NALF1: variants seen among roughly 807,000 people sequenced by gnomAD.
NALF1 encodes the protein NALCN channel auxiliary factor 1.
A neutral mutation model predicts 48.4 loss-of-function variants in NALF1; 3 were observed. The ratio of observed to expected loss-of-function variants is 0.06; its 90% CI spans 0.03 to 0.16. The LOEUF is 0.16. Ranked by LOEUF, NALF1 falls within the 10% of genes least tolerant of loss-of-function variation. The pLI is 1.00. For missense variants in NALF1, 526 were observed against 571.5 expected, an observed-to-expected ratio of 0.92 and a Z score of 0.81; for synonymous variants, 262 against 245.7, an observed-to-expected ratio of 1.07 and a Z score of -0.62.
At chr13:107,614,779 TTTC>T (rs1234735912) in intron 1 of NALF1, among the ~76,000 whole-genome samples, 1 of 151,064 alleles carries the variant, frequency 6.6e-6, no homozygotes, top group African/African-American at 2.4e-5. Flanking sequence ...TTTTTTTTTC[TTTC>T]TTTTCTTTTT....
chr13:107,454,727 T>C (rs1216624373), intron 1 of NALF1, among the ~76,000 whole-genome samples: 2 of 152,224 alleles, frequency 1.3e-5, no homozygotes, highest in Admixed American at 1.3e-4. Flanking sequence ...CTAGAAATAC[T>C]GAGCCTGTGT....
intron 1 of NALF1, among the ~76,000 whole-genome samples, chr13:107,551,279 C>G (rs1877285407): frequency 6.6e-6 from 1 of 152,086 alleles, no homozygotes; most frequent in African/African-American, 2.4e-5. Flanking sequence ...GCATTTATGT[C>G]TTATATTTAT....
At chr13:107,607,836 G>C (rs559882148) in intron 1 of NALF1, among the ~76,000 whole-genome samples, 2 of 152,098 alleles carry the variant, frequency 1.3e-5, no homozygotes, top group Non-Finnish European at 2.9e-5. Context: ...GAATTTGATG[G>C]GCAGCATTTG....
intron 1 of NALF1, among the ~76,000 whole-genome samples, chr13:107,332,941 G>A (rs1882496012): frequency 6.6e-6 from 1 of 152,134 alleles, no homozygotes. Flanking sequence ...CACCCAATGG[G>A]TGCAAGCGAT....
At chr13:107,769,873 T>C (rs1013719520) in intron 1 of NALF1, among the ~76,000 whole-genome samples, 4 of 152,072 alleles carry the variant, frequency 2.6e-5, no homozygotes, top group Non-Finnish European at 4.4e-5. Flanking sequence ...ATCCTCCAAA[T>C]ATCTCAAACT....
chr13:107,175,204 C>T (rs1878901228), intron 2 of NALF1, among the ~76,000 whole-genome samples: 1 of 149,326 alleles, frequency 6.7e-6, no homozygotes, highest in Admixed American at 6.7e-5. Flanking sequence ...TTTTCTTTAT[C>T]ATCTCAAAAA....
At chr13:107,613,954 C>T (rs2095800285) in intron 1 of NALF1, among the ~76,000 whole-genome samples, 1 of 152,182 alleles carries the variant, frequency 6.6e-6, no homozygotes, top group African/African-American at 2.4e-5. Flanking sequence ...GAGCAGTAGA[C>T]ACTATTGATA....
intron 1 of NALF1, among the ~76,000 whole-genome samples, chr13:107,683,070 T>C (rs1881344616): frequency 6.6e-6 from 1 of 152,038 alleles, no homozygotes; most frequent in African/African-American, 2.4e-5. Flanking sequence ...AAGACCAGCC[T>C]GGGAAGCAAA....
intron 2 of NALF1, among the ~76,000 whole-genome samples, chr13:107,181,612 A>C (rs1237194135): frequency 1.3e-5 from 1 of 78,060 alleles, no homozygotes; most frequent in Non-Finnish European, 2.9e-5. Context: ...TACTATATAG[A>C]CTTTTTTTTT....
At chr13:107,583,506 T>C (rs1264630813) in intron 1 of NALF1, among the ~76,000 whole-genome samples, 1 of 152,110 alleles carries the variant, frequency 6.6e-6, no homozygotes, top group East Asian at 1.9e-4. Context: ...GTAGCAGGAG[T>C]GATCCATCAG....
At chr13:107,211,414 G>A (rs966012814) in intron 1 of NALF1, among the ~76,000 whole-genome samples, 1 of 152,216 alleles carries the variant, frequency 6.6e-6, no homozygotes, top group Non-Finnish European at 1.5e-5. Flanking sequence ...CCTCATCAGA[G>A]CCACAGCTTC....
intron 1 of NALF1, among the ~76,000 whole-genome samples, chr13:107,448,599 C>T (rs184862214): frequency 1.2e-3 from 181 of 152,234 alleles, no homozygotes; most frequent in African/African-American, 4.0e-3. Context: ...CTGGCATTTT[C>T]GTCATGTATT....
At chr13:107,250,340 T>A (rs903103510) in intron 1 of NALF1, among the ~76,000 whole-genome samples, 1 of 152,196 alleles carries the variant, frequency 6.6e-6, no homozygotes, top group Non-Finnish European at 1.5e-5. Context: ...ACCAAAAAGT[T>A]ACTTACTATG....
Position 107,494,422 on chromosome 13 carries a change from G to A in NALF1, c.916-283667C>T, listed in dbSNP as rs528354142. 3.4e-4 allele frequency among the ~76,000 whole-genome samples: 52 copies of A among 152,226 alleles called. No homozygotes were observed. The South Asian group carries it at 7.1e-3, about 21-fold the overall frequency. On this transcript the variant is annotated intron_variant, in intron 1 of 2. Coordinates refer to ENST00000375915, the MANE Select transcript of NALF1 (RefSeq NM_001080396.3). Reference sequence around the variant, plus strand: ...CAGAATAAAAGGGCAAAACCCAAATGGACGATGAAAAGATGAGAGCTGAAA... The same window carrying A: ...CAGAATAAAAGGGCAAAACCCAAATAGACGATGAAAAGATGAGAGCTGAAA...
intron 1 of NALF1, among the ~76,000 whole-genome samples, chr13:107,299,214 A>G (rs1881786213): frequency 6.6e-6 from 1 of 152,070 alleles, no homozygotes; most frequent in Non-Finnish European, 1.5e-5. Flanking sequence ...TTGGAGGGTC[A>G]TGATGTGATG....
chr13:107,654,559 T>C (rs1214315031), intron 1 of NALF1, among the ~76,000 whole-genome samples: 2 of 152,200 alleles, frequency 1.3e-5, no homozygotes, highest in East Asian at 3.9e-4. Context: ...AGCTGAGTTC[T>C]ATCAGACATT....
rs1226210594 is a variant in NALF1 at position 107,771,982 on chromosome 13, G to A, written c.915+93700C>T. Among the ~76,000 whole-genome samples the A allele has an allele frequency of 4.6e-5, 7 of 152,102 alleles. No individual in the cohort carries two copies. In the East Asian group the frequency reaches 5.8e-4, roughly 13 times the overall value. On this transcript the variant is annotated intron_variant, in intron 1 of 2. Transcript: ENST00000375915. ...GATCTCCTGACCTCGTGATCTGCCC[G>A]CCTCGGCCTCCCAAAGTGCTGGGGT...
At chr13:107,584,034 G>T (rs1878384626) in intron 1 of NALF1, among the ~76,000 whole-genome samples, 1 of 151,916 alleles carries the variant, frequency 6.6e-6, no homozygotes, top group Non-Finnish European at 1.5e-5. Flanking sequence ...GACTTTAGGT[G>T]AAATTTTGAA....
chr13:107,414,131 T>G (rs1477797733), intron 1 of NALF1, among the ~76,000 whole-genome samples: 1 of 152,150 alleles, frequency 6.6e-6, no homozygotes, highest in Non-Finnish European at 1.5e-5. Flanking sequence ...GTCAAAACGA[T>G]CTATTAAAAA....
Sources: allele counts gnomAD v4.1 joint callset (sites outside exome capture counted in the v4.1 genomes callset), GRCh38; gene constraint gnomAD v4.1.1; transcripts MANE v1.5; gene names NCBI Gene and HGNC (gene_info 2026-07-23, HGNC 2026-07-21).